DPP6: variants seen among roughly 807,000 people sequenced by gnomAD.
DPP6 encodes A-type potassium channel modulatory protein DPP6.
A neutral mutation model predicts 122.6 loss-of-function variants in DPP6; 69 were observed. The observed-to-expected ratio is 0.56, with a 90% confidence interval of 0.46 to 0.69. The LOEUF (loss-of-function observed/expected upper bound fraction) is 0.69. DPP6 is among the 30% of genes least tolerant of loss of function. The pLI is 0.00. For synonymous variants in DPP6, 418 were observed against 433.1 expected (o/e 0.97, Z 0.43); for missense variants, 928 against 1,116.9 (o/e 0.83, Z 2.41).
intron 1 of DPP6, among the ~76,000 whole-genome samples, chr7:154,130,824 A>G (rs1412488909): frequency 6.6e-6 from 1 of 152,126 alleles, no homozygotes; most frequent in African/African-American, 2.4e-5. Context: ...TCCACAATAA[A>G]AAAAAATAAA....
chr7:153,926,645 ATG>A (rs1800913076), intron 1 of DPP6, among the ~76,000 whole-genome samples: 2 of 152,112 alleles, frequency 1.3e-5, no homozygotes, highest in East Asian at 3.9e-4. Flanking sequence ...TGATCTCCCT[ATG>A]ATGCAAAGAA....
intron 7 of DPP6, among the ~76,000 whole-genome samples, chr7:154,689,466 G>T (rs906845622): frequency 6.6e-6 from 1 of 152,134 alleles, no homozygotes; most frequent in African/African-American, 2.4e-5. Context: ...TGTCAGTGAG[G>T]TGTATTGTAT....
chr7:154,885,530 C>A, intron 21 of DPP6, 103 bp from the exon 22 acceptor site: 1 of 1,436,016 alleles, frequency 7.0e-7, no homozygotes, highest in Non-Finnish European at 9.3e-7. Flanking sequence ...AGGAGAGAAC[C>A]TGCATGGAAC....
At chr7:154,419,129 C>A (rs959674412) in intron 1 of DPP6, among the ~76,000 whole-genome samples, 1 of 152,232 alleles carries the variant, frequency 6.6e-6, no homozygotes, top group Non-Finnish European at 1.5e-5. Flanking sequence ...ATGGCTTCAT[C>A]CACAGGCTTT....
intron 7 of DPP6, among the ~76,000 whole-genome samples, chr7:154,707,270 T>C (rs1425547082): frequency 1.3e-5 from 2 of 152,198 alleles, no homozygotes; most frequent in African/African-American, 2.4e-5. Flanking sequence ...CTCCCATAAA[T>C]TATCTGCTTT....
At chr7:154,766,799 AC>A (rs1428502646) in intron 8 of DPP6, among the ~76,000 whole-genome samples, 1 of 152,134 alleles carries the variant, frequency 6.6e-6, no homozygotes, top group African/African-American at 2.4e-5. Context: ...AGCATGACCC[AC>A]TTTGGACTGT....
At chr7:154,461,902 T>G (rs1239636800) in intron 2 of DPP6, among the ~76,000 whole-genome samples, 1 of 152,220 alleles carries the variant, frequency 6.6e-6, no homozygotes, top group Non-Finnish European at 1.5e-5. Flanking sequence ...TGGTTGCCTT[T>G]GCTAAATAGG....
intron 5 of DPP6, among the ~76,000 whole-genome samples, chr7:154,585,071 G>A (rs886767558): frequency 1.3e-5 from 2 of 151,904 alleles, no homozygotes; most frequent in Admixed American, 1.3e-4. Flanking sequence ...TTCCTTCAGG[G>A]CAAGCCCTCC....
At chr7:154,844,460 T>G (rs1215368151) in intron 16 of DPP6, among the ~76,000 whole-genome samples, 1 of 152,266 alleles carries the variant, frequency 6.6e-6, no homozygotes, top group Non-Finnish European at 1.5e-5. Flanking sequence ...GCACAAATTT[T>G]GAGTATCTGA....
chr7:154,025,344 A>G (rs1344911950), intron 1 of DPP6, among the ~76,000 whole-genome samples: 2 of 129,070 alleles, frequency 1.5e-5, no homozygotes. Context: ...TACTGAGAGG[A>G]AGGATCTGAA....
At chr7:154,054,814 A>G (rs2533726) in intron 1 of DPP6, among the ~76,000 whole-genome samples, 84,953 of 142,540 alleles carry the variant, frequency 0.6, 25,552 homozygotes, top group South Asian at 0.67. Context: ...GATGTTTGGA[A>G]TGAGAACAAT....
chr7:153,897,388 T>C (rs1017624012), intron 1 of DPP6, among the ~76,000 whole-genome samples: 2 of 152,262 alleles, frequency 1.3e-5, no homozygotes, highest in African/African-American at 4.8e-5. Flanking sequence ...ATAGGATTTC[T>C]AGCCTCTGCT....
rs1799785478 is a variant in DPP6, at chr7:154,821,653, T to TATATATATATATATATACAC, written c.1666+14552_1666+14553insTATATACACATATATATATA. Among the ~76,000 whole-genome samples, 3 of 107,094 alleles carry TATATATATATATATATACAC rather than the reference T, an allele frequency of 2.8e-5. No homozygotes were observed. Among genetic ancestry groups the TATATATATATATATATACAC allele is most frequent in the Non-Finnish European group, 6.2e-5 (3 of 48,268 alleles). 70.3% of individuals were successfully genotyped at this position (107,094 alleles called of 152,430 possible). ...GTATATATATATATATATACACATA[T>TATATATATATATATATACAC]ATATATATATACACATATATATATA... On this transcript the variant is annotated intron_variant, in intron 16 of 25. Coordinates refer to ENST00000377770, the MANE Select transcript of DPP6 (RefSeq NM_130797.4). This position sits in a 1 kb window ranked among gnomAD's most constrained non-coding sequence, Gnocchi z 4.2.
chr7:153,934,918 T>C (rs1013824206), intron 1 of DPP6, among the ~76,000 whole-genome samples: 1 of 151,772 alleles, frequency 6.6e-6, no homozygotes, highest in African/African-American at 2.4e-5. Context: ...GGAGGCTCAG[T>C]GCCAGCACGT....
intron 1 of DPP6, among the ~76,000 whole-genome samples, chr7:153,918,427 AACACACACACACACAC>A (rs5888535): frequency 6.3e-5 from 7 of 110,840 alleles, no homozygotes; most frequent in Admixed American, 2.0e-4. Context: ...AGTTAATTAA[AACACACACACACACAC>A]ACACACACAC....
chr7:154,761,629 G>C (rs1297765106), intron 8 of DPP6, among the ~76,000 whole-genome samples: 1 of 152,250 alleles, frequency 6.6e-6, no homozygotes, highest in Non-Finnish European at 1.5e-5. Context: ...CCAATGGGGA[G>C]CAGGTGCATC....
intron 1 of DPP6, among the ~76,000 whole-genome samples, chr7:153,927,314 A>G (rs1354316959): frequency 6.6e-6 from 1 of 152,224 alleles, no homozygotes; most frequent in Non-Finnish European, 1.5e-5. Context: ...CCCATTCTCT[A>G]AAATCAATGA....
chr7:153,982,080 A>G (rs1585127620), intron 1 of DPP6, among the ~76,000 whole-genome samples: 1 of 152,154 alleles, frequency 6.6e-6, no homozygotes, highest in Non-Finnish European at 1.5e-5. Context: ...CTGAATTTGA[A>G]TGTTGGCCTG....
intron 1 of DPP6, among the ~76,000 whole-genome samples, chr7:154,390,766 C>A (rs1339727264): frequency 6.6e-6 from 1 of 152,086 alleles, no homozygotes; most frequent in Non-Finnish European, 1.5e-5. Flanking sequence ...CAGAGAAAAG[C>A]CTTTCCTAGC....
Sources: gnomAD v4.1 joint callset for allele counts (sites outside exome capture counted in the v4.1 genomes callset) on GRCh38, gnomAD v4.1.1 for gene constraint, Gnocchi (gnomAD v3.1) non-coding constraint, MANE v1.5 for transcripts, NCBI Gene and HGNC (gene_info 2026-07-23, HGNC 2026-07-21) for gene names.